The following ZFAT variants were observed in gnomAD, a reference collection of about 807,000 sequenced individuals.
The protein encoded by ZFAT is zinc finger protein ZFAT.
Under a neutral mutation model 117.7 loss-of-function variants are expected in ZFAT, and 64 were observed. The ratio of observed to expected loss-of-function variants is 0.54; its 90% CI spans 0.44 to 0.67. The LOEUF (loss-of-function observed/expected upper bound fraction) is 0.67, where lower values mean the gene tolerates loss of function less well. Among genes scored for constraint, ZFAT ranks in the 30% least tolerant of loss-of-function variants. The pLI is 0.00. For synonymous variants in ZFAT, 679 were observed against 615.0 expected (o/e 1.10, Z -1.54); for missense variants, 1,433 against 1,584.5 (o/e 0.90, Z 1.62).
intron 1 of ZFAT, among the ~76,000 whole-genome samples, chr8:134,661,272 C>G (rs1299052367): frequency 6.6e-6 from 1 of 152,136 alleles, no homozygotes; most frequent in Non-Finnish European, 1.5e-5. Context: ...ATGAGTGGAT[C>G]TGCTGACAAC....
chr8:134,502,616 G>A lies in ZFAT; in HGVS notation c.3492+7003C>T, dbSNP rs373734316. 2.6e-5 allele frequency among the ~76,000 whole-genome samples: 4 copies of A among 152,224 alleles called. No individual in the cohort carries two copies. In the South Asian group the frequency reaches 6.2e-4, roughly 24 times the overall value. On this transcript the variant is annotated intron_variant, in intron 15 of 15. Coordinates refer to ENST00000377838, the MANE Select transcript of ZFAT (RefSeq NM_020863.4). ...TCCCAACACTGCCAACCATCACGGG[G>A]ACCCACTTGAAGGCTGAAGGTGGCA...
intron 1 of ZFAT, among the ~76,000 whole-genome samples, chr8:134,702,843 T>C (rs527706300): frequency 2.6e-5 from 4 of 152,204 alleles, no homozygotes. Flanking sequence ...AGCTAATTTC[T>C]TGTATTTTTA....
the ZFAT span, among the ~76,000 whole-genome samples, chr8:134,731,127 A>G: frequency 2.8e-4 from 42 of 152,344 alleles, no homozygotes; most frequent in African/African-American, 9.6e-4. Flanking sequence ...GAGCAAGGGG[A>G]ACCCTCAGAC....
the ZFAT span, among the ~76,000 whole-genome samples, chr8:134,773,663 C>T: frequency 6.6e-6 from 1 of 152,134 alleles, no homozygotes; most frequent in Non-Finnish European, 1.5e-5. Flanking sequence ...AAAACATTAA[C>T]AGGAATGTGG....
At chr8:134,771,903 T>G in the ZFAT span, among the ~76,000 whole-genome samples, 1 of 152,224 alleles carries the variant, frequency 6.6e-6, no homozygotes, top group Non-Finnish European at 1.5e-5. Flanking sequence ...TCACATCTTA[T>G]GTGGATGGAG....
At chr8:134,777,922 T>G in the ZFAT span, among the ~76,000 whole-genome samples, 2 of 152,198 alleles carry the variant, frequency 1.3e-5, no homozygotes, top group African/African-American at 2.4e-5. Context: ...TCAGTGACTC[T>G]GACCATCTCG....
the ZFAT span, among the ~76,000 whole-genome samples, chr8:134,822,747 T>C: frequency 2.6e-5 from 4 of 152,104 alleles, no homozygotes; most frequent in African/African-American, 9.7e-5. Flanking sequence ...GTACTACATG[T>C]GCATATTTTC....
intron 15 of ZFAT, among the ~76,000 whole-genome samples, chr8:134,500,049 G>A (rs955585121): frequency 1.3e-5 from 2 of 152,200 alleles, no homozygotes; most frequent in Non-Finnish European, 1.5e-5. Flanking sequence ...CAGAGGGCCC[G>A]CAGCGCTCTC....
intron 9 of ZFAT, among the ~76,000 whole-genome samples, chr8:134,587,652 C>T (rs953934419): frequency 6.6e-6 from 1 of 152,186 alleles, no homozygotes; most frequent in African/African-American, 2.4e-5. Flanking sequence ...GTCTGTTGCC[C>T]TAGTAGAATC....
chr8:134,496,980 G>C (rs1160509448), intron 15 of ZFAT, among the ~76,000 whole-genome samples: 1 of 152,242 alleles, frequency 6.6e-6, no homozygotes, highest in Non-Finnish European at 1.5e-5. Context: ...CTGACATGCA[G>C]GGACCCCCGC....
chr8:134,657,866 C>A, intron 1 of ZFAT, 129 bp from the exon 2 acceptor site: 1 of 996,394 alleles, frequency 1.0e-6, no homozygotes, highest in Non-Finnish European at 1.5e-6. Context: ...TTGTGTCTCT[C>A]TGGCAGTCAC....
At chr8:134,533,724 C>T (rs1266906504) in intron 11 of ZFAT, among the ~76,000 whole-genome samples, 4 of 152,192 alleles carry the variant, frequency 2.6e-5, no homozygotes, top group African/African-American at 7.2e-5. Context: ...AGGCCACAAA[C>T]GAGTCATGCA....
chr8:134,602,056 T>C lies in ZFAT; in HGVS notation c.1663A>G (p.Met555Val). 1 of 1,611,722 alleles carries C rather than the reference T, an allele frequency of 6.2e-7. No individual in the cohort carries two copies. Among genetic ancestry groups the C allele is most frequent in the African/African-American group, 1.3e-5 (1 of 75,048 alleles). Residue 555 changes from methionine (M) to valine (V), a missense_variant, in exon 6 of 16, where the codon ATG becomes GTG. This residue lies in a region of ZFAT where 372 missense variants were observed against 355.6 expected (regional missense o/e 1.05). Transcript: ENST00000377838. ...GCCAGGTGCACAGCTGGGGCAGGCA[T>C]TTCCCCAGGGGCCTCCGGCTCCTTC... ...GRKEPEAPGE[M>V]PAPAVHLASP...
intron 1 of ZFAT, among the ~76,000 whole-genome samples, chr8:134,660,686 C>T (rs768805043): frequency 2.6e-5 from 4 of 152,218 alleles, no homozygotes; most frequent in Admixed American, 6.5e-5. Flanking sequence ...TCCTAGGATG[C>T]TCTCAGGAAA....
chr8:134,509,786 CA>C, intron 14 of ZFAT, 37 bp from the exon 15 acceptor site: 1 of 1,558,332 alleles, frequency 6.4e-7, no homozygotes, highest in Non-Finnish European at 8.6e-7. Context: ...CCATTCAGGC[CA>C]CTGGTGCTGA....
At chr8:134,662,171 G>A (rs900421512) in intron 1 of ZFAT, among the ~76,000 whole-genome samples, 3 of 152,178 alleles carry the variant, frequency 2.0e-5, no homozygotes, top group African/African-American at 7.2e-5. Flanking sequence ...GGTGGAAGGG[G>A]CAAGGTAGCT....
intron 9 of ZFAT, among the ~76,000 whole-genome samples, 166 bp from the exon 10 acceptor site, chr8:134,584,171 C>T (rs1157793185): frequency 6.6e-6 from 1 of 152,196 alleles, no homozygotes; most frequent in African/African-American, 2.4e-5. Context: ...TAACACACCA[C>T]ACACTTTCCA....
At chr8:134,584,574 A>G (rs907728213) in intron 9 of ZFAT, among the ~76,000 whole-genome samples, 2 of 152,140 alleles carry the variant, frequency 1.3e-5, no homozygotes, top group African/African-American at 4.8e-5. Context: ...AACTTTACCA[A>G]CTGGTGGTTG....
chr8:134,671,808 C>A (rs1832574534), intron 1 of ZFAT, among the ~76,000 whole-genome samples: 1 of 152,198 alleles, frequency 6.6e-6, no homozygotes, highest in Non-Finnish European at 1.5e-5. Context: ...AAGAGGAAGT[C>A]AAATTGTCCC....
Sources: allele counts gnomAD v4.1 joint callset (sites outside exome capture counted in the v4.1 genomes callset), GRCh38; gene constraint gnomAD v4.1.1; regional missense constraint gnomAD v4.1.1; transcripts MANE v1.5; gene names NCBI Gene and HGNC (gene_info 2026-07-23, HGNC 2026-07-21).